Variants in SIN3B observed in about 807,000 individuals in gnomAD.
SIN3B encodes the protein SIN3 transcription regulator family member B.
In SIN3B, 19 loss-of-function variants were observed where a neutral mutation model predicts 120.2. That is an observed-to-expected ratio of 0.16 (90% confidence interval 0.11 to 0.23). The LOEUF (loss-of-function observed/expected upper bound fraction) is 0.23, where lower values mean the gene tolerates loss of function less well. SIN3B is among the 10% of genes least tolerant of loss of function. SIN3B has a pLI of 1.00. For synonymous variants in SIN3B, 654 were observed against 653.2 expected (o/e 1.00, Z -0.02); for missense variants, 1,073 against 1,573.0 (o/e 0.68, Z 5.38).
chr19:16,844,890 A>T (rs1388505689), intron 4 of SIN3B, among the ~76,000 whole-genome samples: 5 of 152,302 alleles, frequency 3.3e-5, no homozygotes, highest in Admixed American at 3.3e-4. Flanking sequence ...GTGGCCTCAG[A>T]TGGGGACAGG....
intron 14 of SIN3B, 161 bp from the exon 15 acceptor site, chr19:16,875,894 T>G: frequency 1.2e-6 from 1 of 844,300 alleles, no homozygotes; most frequent in Non-Finnish European, 1.8e-6. Flanking sequence ...GTCTGTTTGG[T>G]CTGGTCTGCC....
At chr19:16,875,325 GGGTCTGGTCTGGTTT>G (rs1489325283) in intron 14 of SIN3B, among the ~76,000 whole-genome samples, 5 of 141,616 alleles carry the variant, frequency 3.5e-5, no homozygotes, top group Admixed American at 7.0e-5. Flanking sequence ...GGTCTGGTTT[GGGTCTGGTCTGGTTT>G]GGTCTGGTCT....
At chr19:16,829,959 G>T in intron 2 of SIN3B, 62 bp downstream of exon 2, 1 of 1,155,882 alleles carries the variant, frequency 8.7e-7, no homozygotes, top group Non-Finnish European at 1.3e-6. Flanking sequence ...GGCCTAGCGG[G>T]GTGAGACCTC....
intron 14 of SIN3B, among the ~76,000 whole-genome samples, chr19:16,872,060 A>G (rs1211292104): frequency 1.3e-5 from 2 of 152,204 alleles, no homozygotes; most frequent in Admixed American, 6.5e-5. Flanking sequence ...TCACGTAAAT[A>G]TAAACAGCAG....
At chr19:16,866,991 G>A (rs1176822031) in intron 12 of SIN3B, among the ~76,000 whole-genome samples, 3 of 152,018 alleles carry the variant, frequency 2.0e-5, no homozygotes, top group Non-Finnish European at 4.4e-5. Context: ...TCCTGACCTC[G>A]TGATCCACCC....
intron 11 of SIN3B, among the ~76,000 whole-genome samples, chr19:16,866,167 C>T (rs944580274): frequency 3.9e-5 from 6 of 152,112 alleles, no homozygotes; most frequent in Admixed American, 1.3e-4. Context: ...GTGGAGGAAC[C>T]GGGAAGCCGG....
At chr19:16,871,678 C>T (rs2051513706) in intron 14 of SIN3B, 2 of 382,582 alleles carry the variant, frequency 5.2e-6, no homozygotes, top group Admixed American at 8.8e-5. Flanking sequence ...CAGCCACTGC[C>T]CATTCCCCTG....
chr19:16,833,281 G>T (rs1215842646), intron 3 of SIN3B, among the ~76,000 whole-genome samples: 3 of 152,214 alleles, frequency 2.0e-5, no homozygotes, highest in Admixed American at 1.3e-4. Context: ...AAAGAGAACA[G>T]CGAAGGGTAA....
chr19:16,863,151 C>T, intron 9 of SIN3B: 2 of 587,772 alleles, frequency 3.4e-6, no homozygotes, highest in Non-Finnish European at 6.1e-6. Context: ...GAGATGGTTG[C>T]TGTCTGACCC....
At chr19:16,849,515 T>C (rs1355597827) in intron 5 of SIN3B, among the ~76,000 whole-genome samples, 2 of 152,208 alleles carry the variant, frequency 1.3e-5, no homozygotes, top group African/African-American at 4.8e-5. Context: ...TAGGTGCTGA[T>C]AAAAAATTTT....
chr19:16,857,387 T>C (rs1016861796), intron 8 of SIN3B, among the ~76,000 whole-genome samples: 1 of 152,012 alleles, frequency 6.6e-6, no homozygotes, highest in Non-Finnish European at 1.5e-5. Flanking sequence ...CCTCAAAGAG[T>C]GTGTTTATGT....
At chr19:16,867,957 C>T (rs1040680616) in intron 12 of SIN3B, among the ~76,000 whole-genome samples, 2 of 152,204 alleles carry the variant, frequency 1.3e-5, no homozygotes, top group African/African-American at 4.8e-5. Flanking sequence ...ACCAATGCGA[C>T]CCTGAGTTCC....
chr19:16,839,154 G>C (rs10407007), intron 3 of SIN3B, among the ~76,000 whole-genome samples: 67,852 of 151,490 alleles, frequency 0.45, 15,390 homozygotes, highest in Non-Finnish European at 0.48. Context: ...TTTTAGTGGA[G>C]ACGGGGTTTT....
At chr19:16,849,451 A>G (rs1331105509) in intron 5 of SIN3B, among the ~76,000 whole-genome samples, 1 of 152,228 alleles carries the variant, frequency 6.6e-6, no homozygotes, top group Admixed American at 6.5e-5. Flanking sequence ...TTTATTTACA[A>G]AATGAATGGG....
intron 12 of SIN3B, among the ~76,000 whole-genome samples, chr19:16,868,903 T>C (rs1358395642): frequency 6.6e-6 from 1 of 151,916 alleles, no homozygotes; most frequent in African/African-American, 2.4e-5. Context: ...GGCGTGCAGG[T>C]CTTCAGATGT....
chr19:16,854,257 C>G lies in SIN3B; in HGVS notation c.1054C>G (p.Leu352Val). 1 of 1,607,416 alleles carries G rather than the reference C, an allele frequency of 6.2e-7. No homozygotes were observed. The highest frequency in any genetic ancestry group is 8.5e-7 in the Non-Finnish European group (1 of 1,176,360). ...GCTCCTGCAGCTCGTCAGCCCATTT[C>G]TGGGGTGAGCAGCTGACTTCCCAGG... ...SELLQLVSPFLGKFPELFAQF... is the reference protein window; with the variant it reads ...SELLQLVSPFVGKFPELFAQF... Residue 352 changes from leucine to valine, a missense_variant, in exon 8 of 19, where the codon CTG becomes GTG. Coordinates refer to ENST00000248054, the MANE Select transcript of SIN3B (RefSeq NM_001297595.2).
Position 16,854,053 on chromosome 19 carries a change from C to T in SIN3B, c.940-90C>T, listed in dbSNP as rs533087945. ...TTATAGACACAGTTGGTTCCCATAT[C>T]GCACACCCATGTGGCTGACCTACAA... On this transcript the variant is annotated intron_variant, in intron 7 of 18. Coordinates refer to ENST00000248054, the MANE Select transcript of SIN3B (RefSeq NM_001297595.2). The T allele has an allele frequency of 5.3e-5, 46 of 861,476 alleles. 1 individual carries two copies. In the Middle Eastern group the frequency reaches 1.8e-3, roughly 34 times the overall value. The allele number at this position is 861,476 out of a possible 1,614,324, so 53.4% of individuals were successfully genotyped here.
At chr19:16,847,807 T>C (rs1029706818) in intron 5 of SIN3B, among the ~76,000 whole-genome samples, 2 of 152,250 alleles carry the variant, frequency 1.3e-5, no homozygotes, top group Admixed American at 6.5e-5. Context: ...TTCCATGGCA[T>C]GTGGTACATC....
At position 16,869,428 on chromosome 19, in the gene SIN3B, T is replaced by C. The variant is rs1201073944; in HGVS notation, c.1807-32T>C. ...GGGGGTCCTCTGGGTGCTGGGTGGC[T>C]TTCCACCTAATGGCCGCCCTTCCCC... On this transcript the variant is annotated intron_variant, in intron 12 of 18. Transcript: ENST00000248054. 2.5e-6 allele frequency: 4 copies of C among 1,572,958 alleles called. No individual in the cohort carries two copies. In the African/African-American group the frequency reaches 5.4e-5, roughly 21 times the overall value.
Sources: gnomAD v4.1 joint callset for allele counts (sites outside exome capture counted in the v4.1 genomes callset) on GRCh38, gnomAD v4.1.1 for gene constraint, MANE v1.5 for transcripts, NCBI Gene and HGNC (gene_info 2026-07-23, HGNC 2026-07-21) for gene names.